The following TMIGD3 variants were observed in gnomAD, a reference collection of about 807,000 sequenced individuals.
TMIGD3 encodes transmembrane and immunoglobulin domain containing 3.
Under a neutral mutation model 28.1 loss-of-function variants are expected in TMIGD3, and 21 were observed. The observed-to-expected ratio is 0.75, with a 90% CI of 0.53 to 1.08. TMIGD3 has a LOEUF of 1.08. TMIGD3 is among the 50% of genes least tolerant of loss of function. TMIGD3 has a pLI of 0.00. For missense variants in TMIGD3, 416 were observed against 435.6 expected (o/e 0.96, Z 0.40); for synonymous variants, 151 against 162.1 (o/e 0.93, Z 0.52).
chr1:111,495,602 G>C (rs1654853980), intron 1 of TMIGD3, among the ~76,000 whole-genome samples: 1 of 152,164 alleles, frequency 6.6e-6, no homozygotes, highest in Non-Finnish European at 1.5e-5. Context: ...TTTGTGGAAA[G>C]CAGTATGGCA....
chr1:111,530,354 AT>A (rs941488368), intron 1 of TMIGD3, among the ~76,000 whole-genome samples: 3 of 152,096 alleles, frequency 2.0e-5, no homozygotes, highest in South Asian at 2.1e-4. Context: ...TTTTAAAGAG[AT>A]TTTTTTAAAT....
chr1:111,487,160 C>T (rs1256747644), intron 3 of TMIGD3, among the ~76,000 whole-genome samples: 2 of 152,184 alleles, frequency 1.3e-5, no homozygotes, highest in African/African-American at 4.8e-5. Flanking sequence ...TCTGATAAGA[C>T]GTGGGAGAGG....
intron 1 of TMIGD3, among the ~76,000 whole-genome samples, chr1:111,559,687 C>G (rs1490407923): frequency 6.6e-6 from 1 of 152,044 alleles, no homozygotes; most frequent in African/African-American, 2.4e-5. Flanking sequence ...TTAAAACATC[C>G]ATGTTCCTTT....
At chr1:111,489,614 G>A (rs962576756) in intron 2 of TMIGD3, 1 of 1,133,566 alleles carries the variant, frequency 8.8e-7, no homozygotes, top group Non-Finnish European at 1.1e-6. Flanking sequence ...GGTGAAATAT[G>A]GAGGCCTCCT....
At chr1:111,504,718 A>T, upstream of TMIGD3, 1 of 242,354 alleles carries the variant, frequency 4.1e-6, no homozygotes, top group Non-Finnish European at 6.6e-6. Flanking sequence ...ACTAACAAAC[A>T]CTTCAGAGTG....
chr1:111,502,868 CA>C, intron 1 of TMIGD3, 136 bp downstream of exon 1: 1 of 1,134,016 alleles, frequency 8.8e-7, no homozygotes, highest in Non-Finnish European at 1.2e-6. Context: ...GACCATATCA[CA>C]AAAAGACACT....
intron 1 of TMIGD3, among the ~76,000 whole-genome samples, chr1:111,524,047 T>TGCGG (rs1656175061): frequency 1.5e-5 from 2 of 130,288 alleles, no homozygotes; most frequent in African/African-American, 5.4e-5. Flanking sequence ...TTTTTTTTTT[T>TGCGG]GGGATGGAAT....
At chr1:111,506,791 T>C (rs1234159917), upstream of TMIGD3, among the ~76,000 whole-genome samples, 1 of 151,844 alleles carries the variant, frequency 6.6e-6, no homozygotes, top group Non-Finnish European at 1.5e-5. Context: ...GAGAGATGAC[T>C]GCATGAGCAG....
chr1:111,515,862 C>T (rs1166426775), intron 1 of TMIGD3, among the ~76,000 whole-genome samples: 4 of 152,196 alleles, frequency 2.6e-5, no homozygotes, highest in African/African-American at 9.7e-5. Flanking sequence ...GCCGGGGAGG[C>T]CGGAGGGAGG....
intron 1 of TMIGD3, chr1:111,542,339 C>T (rs1461940529): frequency 7.1e-6 from 3 of 423,328 alleles, no homozygotes; most frequent in South Asian, 1.8e-5. Context: ...GTCTGTGTGG[C>T]TCCTTCCACG....
At chr1:111,560,114 T>C (rs1657669945) in intron 1 of TMIGD3, among the ~76,000 whole-genome samples, 1 of 152,188 alleles carries the variant, frequency 6.6e-6, no homozygotes, top group Non-Finnish European at 1.5e-5. Flanking sequence ...AGCTCAGAGA[T>C]TACAATATAG....
At chr1:111,514,059 A>G (rs575421559) in intron 1 of TMIGD3, among the ~76,000 whole-genome samples, 28 of 152,306 alleles carry the variant, frequency 1.8e-4, no homozygotes, top group Admixed American at 5.2e-4. Context: ...CCCTTCTTTT[A>G]CTTTCCAAAC....
At chr1:111,532,181 CG>C (rs1224834982) in intron 1 of TMIGD3, among the ~76,000 whole-genome samples, 3 of 86,778 alleles carry the variant, frequency 3.5e-5, no homozygotes, top group African/African-American at 9.5e-5. Flanking sequence ...CTGAAGGCTT[CG>C]GGGAGACCCT....
intron 1 of TMIGD3, among the ~76,000 whole-genome samples, chr1:111,519,973 G>A (rs529255844): frequency 2.3e-4 from 35 of 152,140 alleles, no homozygotes; most frequent in Non-Finnish European, 4.6e-4. Context: ...GATTACAGGC[G>A]TGAGCCACCG....
intron 1 of TMIGD3, among the ~76,000 whole-genome samples, chr1:111,537,256 C>A (rs1214051560): frequency 6.6e-6 from 1 of 152,190 alleles, no homozygotes; most frequent in Non-Finnish European, 1.5e-5. Flanking sequence ...TTGCTGTATG[C>A]CTATTTGTTC....
intron 1 of TMIGD3, among the ~76,000 whole-genome samples, chr1:111,496,215 G>T (rs1405221780): frequency 6.6e-6 from 1 of 152,134 alleles, no homozygotes; most frequent in Non-Finnish European, 1.5e-5. Flanking sequence ...GCCAGGACTT[G>T]ATTAATAACT....
chr1:111,516,852 G>A (rs1655883067), intron 1 of TMIGD3, among the ~76,000 whole-genome samples: 1 of 152,222 alleles, frequency 6.6e-6, no homozygotes, highest in Admixed American at 6.5e-5. Context: ...CCCCAGCCCT[G>A]AGTGTTGATG....
At chr1:111,488,618 A>G (rs1049023798) in intron 3 of TMIGD3, 59 bp downstream of exon 3, 8 of 1,486,238 alleles carry the variant, frequency 5.4e-6, no homozygotes, top group Non-Finnish European at 7.4e-6. Flanking sequence ...GTGCTCTCTT[A>G]GCAGCAAACA....
At chr1:111,538,168 CA>C (rs1249243249) in intron 1 of TMIGD3, among the ~76,000 whole-genome samples, 1 of 151,976 alleles carries the variant, frequency 6.6e-6, no homozygotes, top group Admixed American at 6.6e-5. Context: ...TCAGTTTCAC[CA>C]AAAAAACACA....
Sources: gnomAD v4.1 joint callset for allele counts (sites outside exome capture counted in the v4.1 genomes callset) on GRCh38, gnomAD v4.1.1 for gene constraint, MANE v1.5 for transcripts, NCBI Gene and HGNC (gene_info 2026-07-23, HGNC 2026-07-21) for gene names.